The following L3MBTL4 variants were observed in gnomAD, a reference collection of about 807,000 sequenced individuals.
L3MBTL4 encodes lethal(3)malignant brain tumor-like protein 4.
L3MBTL4 carries 70 observed loss-of-function variants against 84.5 expected under a neutral mutation model. The ratio of observed to expected loss-of-function variants is 0.83; its 90% CI spans 0.68 to 1.01. The LOEUF (loss-of-function observed/expected upper bound fraction) is 1.01, where lower values mean the gene tolerates loss of function less well. Among genes scored for constraint, L3MBTL4 ranks in the 50% least tolerant of loss-of-function variants. The pLI, the probability that L3MBTL4 is intolerant of heterozygous loss-of-function variation, is 0.00. For synonymous variants in L3MBTL4, 274 were observed against 259.8 expected, an observed-to-expected ratio of 1.05 and a Z score of -0.52; for missense variants, 715 against 754.8, an observed-to-expected ratio of 0.95 and a Z score of 0.62.
chr18:6,315,639 CT>C (rs1200354776), intron 1 of L3MBTL4, among the ~76,000 whole-genome samples: 2 of 152,140 alleles, frequency 1.3e-5, no homozygotes, highest in East Asian at 3.9e-4. Flanking sequence ...TATGCTGTAG[CT>C]TTTTTAACTA....
At chr18:6,030,473 G>A (rs1257645935) in intron 16 of L3MBTL4, 5 of 957,128 alleles carry the variant, frequency 5.2e-6, no homozygotes, top group East Asian at 1.2e-4. Flanking sequence ...AACAAGTGAA[G>A]TATTAGGTTT....
chr18:6,408,674 TTTC>T (rs1358068964), intron 1 of L3MBTL4, among the ~76,000 whole-genome samples: 24 of 151,898 alleles, frequency 1.6e-4, no homozygotes, highest in East Asian at 7.7e-4. Context: ...GTTTTCTTTT[TTTC>T]TTCTTCTTCT....
At chr18:6,143,795 T>C (rs749789272) in intron 13 of L3MBTL4, among the ~76,000 whole-genome samples, 1 of 152,184 alleles carries the variant, frequency 6.6e-6, no homozygotes, top group Non-Finnish European at 1.5e-5. Flanking sequence ...ACATTTACCT[T>C]ATCTAACTTG....
intron 4 of L3MBTL4, among the ~76,000 whole-genome samples, chr18:6,284,342 G>A (rs939984824): frequency 6.6e-6 from 1 of 152,180 alleles, no homozygotes; most frequent in African/African-American, 2.4e-5. Context: ...GAAATCCACA[G>A]GGGCTCTCAC....
At chr18:6,109,732 G>A (rs1489522802) in intron 14 of L3MBTL4, among the ~76,000 whole-genome samples, 2 of 152,180 alleles carry the variant, frequency 1.3e-5, no homozygotes, top group Non-Finnish European at 2.9e-5. Context: ...CAGGAGGCCA[G>A]GGAGAGTCTC....
chr18:5,967,537 A>C (rs2052415174), intron 17 of L3MBTL4, among the ~76,000 whole-genome samples: 1 of 152,102 alleles, frequency 6.6e-6, no homozygotes, highest in South Asian at 2.1e-4. Flanking sequence ...TTCAAAATTC[A>C]GTTCACAATT....
intron 5 of L3MBTL4, 82 bp from the exon 6 acceptor site, chr18:6,244,670 G>GACACC: frequency 2.1e-6 from 2 of 950,512 alleles, no homozygotes; most frequent in Non-Finnish European, 3.4e-6. Flanking sequence ...ACCTCTAGGT[G>GACACC]AAGTCTAAAA....
chr18:6,381,524 C>T (rs2144355525), intron 1 of L3MBTL4, among the ~76,000 whole-genome samples: 1 of 152,320 alleles, frequency 6.6e-6, no homozygotes, highest in East Asian at 1.9e-4. Context: ...CCAGGCAGGC[C>T]TGGTGGTGAC....
chr18:6,144,238 C>T (rs1318161127), intron 13 of L3MBTL4, among the ~76,000 whole-genome samples: 5 of 147,362 alleles, frequency 3.4e-5, no homozygotes, highest in Non-Finnish European at 7.4e-5. Context: ...ACAATTAATA[C>T]CTGGAAGCAC....
intron 12 of L3MBTL4, among the ~76,000 whole-genome samples, chr18:6,210,161 G>T (rs2046043257): frequency 6.6e-6 from 1 of 152,178 alleles, no homozygotes; most frequent in Non-Finnish European, 1.5e-5. Context: ...AATAAAAATA[G>T]AACTAATAAA....
chr18:6,225,850 G>C (rs1333511613), intron 10 of L3MBTL4, among the ~76,000 whole-genome samples: 1 of 151,010 alleles, frequency 6.6e-6, no homozygotes, highest in Non-Finnish European at 1.5e-5. Flanking sequence ...AAATGAACAG[G>C]AAACCTTTCA....
At chr18:6,107,274 C>A (rs955546016) in intron 14 of L3MBTL4, among the ~76,000 whole-genome samples, 2 of 152,108 alleles carry the variant, frequency 1.3e-5, no homozygotes, top group Non-Finnish European at 2.9e-5. Flanking sequence ...GGAGACAGAG[C>A]CAATGGGCTG....
chr18:6,027,498 T>C (rs2055566217), intron 16 of L3MBTL4, among the ~76,000 whole-genome samples: 3 of 152,228 alleles, frequency 2.0e-5, no homozygotes, highest in African/African-American at 7.2e-5. Context: ...AATAAACATA[T>C]GTGTGCATGT....
rs145472335 is a variant in L3MBTL4 at position 6,238,489 on chromosome 18, C to T, written c.708-449G>A. On this transcript the variant is annotated intron_variant, in intron 9 of 18. Coordinates refer to ENST00000317931, the MANE Select transcript of L3MBTL4 (RefSeq NM_001330559.2). Reference sequence around the variant, plus strand: ...CGGAGCTCACAGTGAGCCAAGATCGCGCCACTGCACTCCAGCCTGGGCAAC... The same window carrying T: ...CGGAGCTCACAGTGAGCCAAGATCGTGCCACTGCACTCCAGCCTGGGCAAC... 6.0e-3 allele frequency among the ~76,000 whole-genome samples: 915 copies of T among 152,048 alleles called. 6 individuals are homozygous for T. Among genetic ancestry groups the T allele is most frequent in the African/African-American group, 0.021 (873 of 41,494 alleles).
intron 12 of L3MBTL4, among the ~76,000 whole-genome samples, chr18:6,183,774 G>A (rs892411673): frequency 3.3e-5 from 5 of 152,052 alleles, no homozygotes; most frequent in South Asian, 2.1e-4. Context: ...TACAGTAGGC[G>A]GACTCCAGGA....
rs143305232 is a variant in L3MBTL4, at chr18:6,093,458, G to C, written c.1270C>G (p.Gln424Glu). 2 of 1,613,842 alleles carry C rather than the reference G, an allele frequency of 1.2e-6. No individual in the cohort carries two copies. Among genetic ancestry groups the C allele is most frequent in the Admixed American group, 1.7e-5 (1 of 59,962 alleles). Residue 424 changes from glutamine (Q) to glutamate (E), a missense_variant, in exon 15 of 19, where the codon CAA becomes GAA. Gln to Glu is a conservative substitution (Grantham distance 29, BLOSUM62 2). Transcript: ENST00000317931. ...EATLHDRLRE[Q>E]TQANLESDSS... The stretch of plus-strand genomic sequence containing the variant: ...TCTGATTCCAAATTTGCCTGTGTTT[G>C]TTCTCTCAAACGATCGTGAAGTGTT...
Position 5,956,044 on chromosome 18 carries a change from T to C in L3MBTL4, c.*176A>G. ...AGATGGGCCTAAGCCTCTGAGTCATTGGCACTGGACCAGTCATCAAAATCC... is the reference window on the plus strand; with the variant it reads ...AGATGGGCCTAAGCCTCTGAGTCATCGGCACTGGACCAGTCATCAAAATCC... On this transcript the variant is annotated 3_prime_UTR_variant, in exon 19 of 19. Coordinates refer to ENST00000317931, the MANE Select transcript of L3MBTL4 (RefSeq NM_001330559.2). 5.0e-6 allele frequency: 3 copies of C among 602,434 alleles called. No homozygotes were observed. The highest frequency in any genetic ancestry group is 8.7e-6 in the Non-Finnish European group (3 of 346,458). The allele number at this position is 602,434 out of a possible 1,614,324, so 37.3% of individuals were successfully genotyped here. A position where few individuals can be genotyped will look rare whatever the true frequency, so the allele number is the denominator to read the frequency against.
intron 18 of L3MBTL4, among the ~76,000 whole-genome samples, chr18:5,958,593 C>T (rs993196166): frequency 6.6e-6 from 1 of 152,178 alleles, no homozygotes; most frequent in Non-Finnish European, 1.5e-5. Flanking sequence ...CCTGGAATTG[C>T]AAGCTTAATG....
intron 13 of L3MBTL4, among the ~76,000 whole-genome samples, chr18:6,162,432 T>G (rs980312826): frequency 1.3e-5 from 2 of 152,208 alleles, no homozygotes; most frequent in East Asian, 3.8e-4. Flanking sequence ...TATCTTAAAA[T>G]ACTTCTAAAA....
Sources: gnomAD v4.1 joint callset for allele counts (sites outside exome capture counted in the v4.1 genomes callset) on GRCh38, gnomAD v4.1.1 for gene constraint, MANE v1.5 for transcripts, NCBI Gene and HGNC (gene_info 2026-07-23, HGNC 2026-07-21) for gene names.